Variants in KLHL13 observed in about 807,000 individuals in gnomAD.
KLHL13 encodes kelch like family member 13.
A neutral mutation model predicts 37.1 loss-of-function variants in KLHL13; 10 were observed. The observed-to-expected ratio is 0.27, with a 90% CI of 0.17 to 0.46. The LOEUF (loss-of-function observed/expected upper bound fraction) is 0.46. Ranked by LOEUF, KLHL13 falls within the 20% of genes least tolerant of loss-of-function variation. KLHL13 has a pLI of 1.00. For synonymous variants in KLHL13, 163 were observed against 181.2 expected (o/e 0.90, Z 0.81); for missense variants, 360 against 509.3 (o/e 0.71, Z 2.82).
chrX:117,932,164 T>C (rs923870017), intron 2 of KLHL13, among the ~76,000 whole-genome samples: 1 of 111,632 alleles, frequency 9.0e-6, no homozygotes, highest in Non-Finnish European at 1.9e-5. Context: ...GCAATATTTA[T>C]CATTTCTTTG....
chrX:117,975,064 A>G (rs1011525304), upstream of KLHL13, among the ~76,000 whole-genome samples: 1 of 111,277 alleles, frequency 9.0e-6, no homozygotes, highest in African/African-American at 3.3e-5. Flanking sequence ...ATTATAGTCA[A>G]TATTTTACAT....
At chrX:117,912,207 T>C (rs1357973312) in intron 4 of KLHL13, among the ~76,000 whole-genome samples, 1 of 111,902 alleles carries the variant, frequency 8.9e-6, no homozygotes, top group Non-Finnish European at 1.9e-5. Flanking sequence ...ATTTATACTT[T>C]TGAAGATGTT....
chrX:117,903,292 C>T (rs12015049), intron 5 of KLHL13, among the ~76,000 whole-genome samples: 13,440 of 110,512 alleles, frequency 0.12, 930 homozygotes, highest in African/African-American at 0.26. Flanking sequence ...ACACCTATAT[C>T]ATGCCACTTC....
intron 1 of KLHL13, among the ~76,000 whole-genome samples, chrX:118,092,670 CTCT>C (rs1162361374): frequency 9.0e-6 from 1 of 111,692 alleles, no homozygotes; most frequent in African/African-American, 3.2e-5. Context: ...CTTCCCCCTC[CTCT>C]TGAGTTCTGT....
intron 1 of KLHL13, among the ~76,000 whole-genome samples, chrX:117,955,153 A>G (rs1695878066): frequency 8.9e-6 from 1 of 111,955 alleles, no homozygotes; most frequent in African/African-American, 3.2e-5. Context: ...AGCAGATTCC[A>G]CAAACTCAAA....
chrX:118,047,488 A>G (rs887424822), intron 1 of KLHL13, among the ~76,000 whole-genome samples: 1 of 112,403 alleles, frequency 8.9e-6, no homozygotes, highest in African/African-American at 3.2e-5. Context: ...ATAACATATA[A>G]TGGTAAAATA....
intron 1 of KLHL13, among the ~76,000 whole-genome samples, chrX:118,116,173 C>T (rs2055465872): frequency 9.0e-6 from 1 of 111,109 alleles, no homozygotes; most frequent in East Asian, 2.8e-4. Context: ...GACCCCAGAC[C>T]GTCAGGGCAG....
chrX:118,050,357 A>G (rs1317037158), intron 1 of KLHL13, among the ~76,000 whole-genome samples: 1 of 112,321 alleles, frequency 8.9e-6, no homozygotes, highest in Non-Finnish European at 1.9e-5. Flanking sequence ...ATGCAATTCT[A>G]TATGATTTTC....
At chrX:117,975,569 T>C (rs947217879), upstream of KLHL13, among the ~76,000 whole-genome samples, 2 of 111,804 alleles carry the variant, frequency 1.8e-5, no homozygotes, top group African/African-American at 6.5e-5. Context: ...TTTTGTATTT[T>C]CAGTAGAGAC....
At chrX:118,050,962 G>A (rs974601629) in intron 1 of KLHL13, among the ~76,000 whole-genome samples, 1 of 111,720 alleles carries the variant, frequency 9.0e-6, no homozygotes, top group African/African-American at 3.3e-5. Context: ...ACAAGTTCCT[G>A]AGGAATGTTG....
rs1273509005 is a variant in KLHL13 at position 118,087,402 on chromosome X, TAC to T, written c.-56+29104_-56+29105del. 9.1e-5 allele frequency among the ~76,000 whole-genome samples: 10 copies of T among 109,359 alleles called. 1 individual carries two copies. The highest frequency in any genetic ancestry group is 3.3e-4 in the African/African-American group (10 of 30,029). The allele number at this position is 109,359 out of a possible 115,157, so 95.0% of individuals were successfully genotyped here. On this transcript the variant is annotated intron_variant, in intron 1 of 6. Transcript: ENST00000371882. ...CTACTCTTTAAAATATATATATATATACACATATATATATCTTCTGTGAGTAC... is the reference window on the plus strand; with the variant it reads ...CTACTCTTTAAAATATATATATATATACATATATATATCTTCTGTGAGTAC...
chrX:118,075,097 G>T (rs1024139417), intron 1 of KLHL13, among the ~76,000 whole-genome samples: 2 of 111,507 alleles, frequency 1.8e-5, no homozygotes, highest in Non-Finnish European at 3.8e-5. Context: ...AGGTGACAAA[G>T]GTTGATTTTA....
chrX:118,026,559 G>A (rs1445172409), intron 1 of KLHL13, among the ~76,000 whole-genome samples: 1 of 111,861 alleles, frequency 8.9e-6, no homozygotes, highest in Admixed American at 9.5e-5. Context: ...TTTATGAAAA[G>A]TTTATGGGGA....
At position 118,057,700 on chromosome X, in the gene KLHL13, C is replaced by T. The variant is rs1408045624; in HGVS notation, c.-56+58808G>A. 1.8e-5 allele frequency among the ~76,000 whole-genome samples: 2 copies of T among 110,266 alleles called. 1 individual carries two copies. Among genetic ancestry groups the T allele is most frequent in the Non-Finnish European group, 3.8e-5 (2 of 52,834 alleles). On this transcript the variant is annotated intron_variant, in intron 1 of 6. Coordinates refer to the KLHL13 transcript ENST00000371882. ...AATTAGTCGGGTGTGGTGGCGGACACCTGTAGTCCCAGCCACTCGGGAGGC... is the reference window on the plus strand; with the variant it reads ...AATTAGTCGGGTGTGGTGGCGGACATCTGTAGTCCCAGCCACTCGGGAGGC...
intron 1 of KLHL13, among the ~76,000 whole-genome samples, chrX:117,965,434 TG>T (rs1005578444): frequency 8.9e-5 from 10 of 111,772 alleles, no homozygotes; most frequent in Non-Finnish European, 1.9e-4. Context: ...TTGATGGGGT[TG>T]TTTTTTTGTT....
At chrX:117,954,410 A>G (rs998898867) in intron 1 of KLHL13, among the ~76,000 whole-genome samples, 2 of 111,211 alleles carry the variant, frequency 1.8e-5, no homozygotes, top group African/African-American at 6.6e-5. Flanking sequence ...AGGTAGACGG[A>G]TGGATGGATG....
At chrX:117,936,748 G>A (rs1320834203) in intron 2 of KLHL13, among the ~76,000 whole-genome samples, 1 of 110,622 alleles carries the variant, frequency 9.0e-6, no homozygotes, top group Non-Finnish European at 1.9e-5. Flanking sequence ...AGTTCCCTGT[G>A]GTATACCCAT....
intron 4 of KLHL13, among the ~76,000 whole-genome samples, chrX:117,911,908 A>T (rs1377672127): frequency 1.8e-5 from 2 of 112,079 alleles, no homozygotes; most frequent in Non-Finnish European, 3.8e-5. Flanking sequence ...AAAATACCTA[A>T]CACATAACTG....
chrX:117,990,006 G>A (rs2053770327), intron 1 of KLHL13, among the ~76,000 whole-genome samples: 1 of 111,064 alleles, frequency 9.0e-6, no homozygotes. Context: ...CCAATTATAG[G>A]AGGCGATTTT....
Sources: allele counts gnomAD v4.1 joint callset (sites outside exome capture counted in the v4.1 genomes callset), GRCh38; gene constraint gnomAD v4.1.1; transcripts MANE v1.5; gene names NCBI Gene and HGNC (gene_info 2026-07-23, HGNC 2026-07-21).